Variants in HMGA2 observed in about 807,000 individuals in gnomAD.
HMGA2 encodes high mobility group protein HMGI-C.
Under a neutral mutation model 19.1 loss-of-function variants are expected in HMGA2, and 8 were observed. The ratio of observed to expected loss-of-function variants is 0.42; its 90% confidence interval spans 0.25 to 0.76. The LOEUF (loss-of-function observed/expected upper bound fraction) is 0.76, where lower values mean the gene tolerates loss of function less well. HMGA2 is among the 30% of genes least tolerant of loss of function. The pLI is 0.28. For synonymous variants in HMGA2, 60 were observed against 48.8 expected (o/e 1.23, Z -0.96); for missense variants, 109 against 136.3 (o/e 0.80, Z 1.00).
At chr12:65,891,526 G>A (rs1873911577) in intron 3 of HMGA2, among the ~76,000 whole-genome samples, 3 of 152,164 alleles carry the variant, frequency 2.0e-5, no homozygotes, top group African/African-American at 4.8e-5. Flanking sequence ...TTGGTCCTAC[G>A]GCTGTTAATC....
intron 2 of HMGA2, among the ~76,000 whole-genome samples, chr12:65,836,228 A>T (rs182389581): frequency 3.3e-5 from 5 of 152,172 alleles, no homozygotes; most frequent in South Asian, 2.1e-4. Context: ...GTGTGGTGGC[A>T]GGCGCCTGTA....
chr12:65,923,783 G>A (rs1875407127), intron 3 of HMGA2, among the ~76,000 whole-genome samples: 1 of 152,174 alleles, frequency 6.6e-6, no homozygotes, highest in African/African-American at 2.4e-5. Flanking sequence ...GCAGAGGCGA[G>A]TGGATCACCT....
At chr12:65,874,729 C>G (rs1365069904) in intron 3 of HMGA2, among the ~76,000 whole-genome samples, 1 of 152,198 alleles carries the variant, frequency 6.6e-6, no homozygotes, top group Non-Finnish European at 1.5e-5. Context: ...ATAGTTCAAA[C>G]TCATTTGTTT....
chr12:65,850,541 A>C (rs899116166), intron 3 of HMGA2, among the ~76,000 whole-genome samples: 1 of 151,954 alleles, frequency 6.6e-6, no homozygotes, highest in African/African-American at 2.4e-5. Context: ...CTAAAAAAAA[A>C]GACTTTTCTG....
Position 65,907,599 on chromosome 12 carries a change from G to A in HMGA2, c.250-43784G>A, listed in dbSNP as rs1283448215. Among the ~76,000 whole-genome samples the A allele has an allele frequency of 3.3e-5, 5 of 152,078 alleles. No individual in the cohort carries two copies. The East Asian group carries it at 9.6e-4, about 29-fold the overall frequency. ...GGACCTAGGAGGCCTATTCTTTGGG[G>A]AGTTCTTCATCAATGACAGCGATTT... On this transcript the variant is annotated intron_variant, in intron 3 of 4. Transcript: ENST00000403681.
intron 4 of HMGA2, chr12:65,958,813 A>T (rs2121324889): frequency 6.6e-6 from 1 of 152,314 alleles, no homozygotes; most frequent in Admixed American, 6.5e-5. Flanking sequence ...CTGGCCTGCA[A>T]CATCATGTAA....
chr12:65,908,178 G>A (rs555855662), intron 3 of HMGA2, among the ~76,000 whole-genome samples: 124 of 152,306 alleles, frequency 8.1e-4, no homozygotes, highest in African/African-American at 2.9e-3. Flanking sequence ...GGTATTGCAT[G>A]AAAAGCACAC....
At chr12:65,961,810 GT>G (rs1267931776) in intron 4 of HMGA2, among the ~76,000 whole-genome samples, 1 of 151,910 alleles carries the variant, frequency 6.6e-6, no homozygotes, top group South Asian at 2.1e-4. Context: ...TTCTTGTGGG[GT>G]TTTTTTCTCC....
intron 3 of HMGA2, among the ~76,000 whole-genome samples, chr12:65,925,229 C>T (rs1875465776): frequency 6.6e-6 from 1 of 152,020 alleles, no homozygotes; most frequent in South Asian, 2.1e-4. Flanking sequence ...AAGTTTTTGC[C>T]ACCAGGTGTG....
At chr12:65,842,177 C>G in intron 3 of HMGA2, 1 of 1,132,286 alleles carries the variant, frequency 8.8e-7, no homozygotes, top group Non-Finnish European at 1.2e-6. Flanking sequence ...GGTTCAAATT[C>G]TGGTCCGTCA....
At chr12:65,834,344 T>C (rs1490173375) in intron 2 of HMGA2, among the ~76,000 whole-genome samples, 1 of 152,190 alleles carries the variant, frequency 6.6e-6, no homozygotes, top group African/African-American at 2.4e-5. Flanking sequence ...TCCCAAATAA[T>C]ATCATGGGGC....
At chr12:65,893,188 G>C (rs923438456) in intron 3 of HMGA2, among the ~76,000 whole-genome samples, 2 of 152,138 alleles carry the variant, frequency 1.3e-5, no homozygotes, top group African/African-American at 2.4e-5. Flanking sequence ...CTCAACTCTC[G>C]AATTGCTGTT....
At chr12:65,902,166 GTT>G (rs374374733) in intron 3 of HMGA2, among the ~76,000 whole-genome samples, 1 of 149,042 alleles carries the variant, frequency 6.7e-6, no homozygotes, top group African/African-American at 2.5e-5. Flanking sequence ...ACTTTTAAGA[GTT>G]TTTTTTTTCT....
At chr12:65,916,044 G>C (rs1012515745) in intron 3 of HMGA2, among the ~76,000 whole-genome samples, 1 of 152,124 alleles carries the variant, frequency 6.6e-6, no homozygotes, top group African/African-American at 2.4e-5. Context: ...GTTCTAAGAG[G>C]AGTACCGTGC....
At chr12:65,865,610 C>T (rs947996305) in intron 3 of HMGA2, among the ~76,000 whole-genome samples, 5 of 150,704 alleles carry the variant, frequency 3.3e-5, no homozygotes, top group Non-Finnish European at 5.9e-5. Context: ...ACATTCTAAG[C>T]GTCTGTATCT....
intron 3 of HMGA2, among the ~76,000 whole-genome samples, chr12:65,947,123 CT>C (rs397969754): frequency 2.6e-3 from 375 of 143,636 alleles, no homozygotes; most frequent in Middle Eastern, 7.1e-3. Context: ...ATTCTCACCA[CT>C]TTTTTTTTTT....
chr12:65,951,991 C>T lies in HMGA2; in HGVS notation c.282+576C>T, dbSNP rs958091300. 7.9e-5 allele frequency: 14 copies of T among 176,754 alleles called. 1 individual carries two copies. Among genetic ancestry groups the T allele is most frequent in the Non-Finnish European group, 1.5e-4 (13 of 84,472 alleles). The allele number at this position is 176,754 out of a possible 1,614,324, so 10.9% of individuals were successfully genotyped here. ...AACATCAAATTGGAAAATAGCTCTA[C>T]GTCTCTTGCCCCATATTCCTGGAGC... On this transcript the variant is annotated intron_variant, in intron 4 of 4. Coordinates refer to ENST00000403681, the MANE Select transcript of HMGA2 (RefSeq NM_003483.6).
intron 3 of HMGA2, among the ~76,000 whole-genome samples, chr12:65,951,062 G>T (rs1592464987): frequency 6.6e-6 from 1 of 152,026 alleles, no homozygotes; most frequent in East Asian, 1.9e-4. Context: ...CTGAGTAGCT[G>T]GGACTACAGT....
chr12:65,832,258 C>G (rs1870511794), intron 2 of HMGA2, among the ~76,000 whole-genome samples: 1 of 151,974 alleles, frequency 6.6e-6, no homozygotes, highest in Admixed American at 6.5e-5. Flanking sequence ...TTTTAATCAT[C>G]ACAGATTATG....
Sources: allele counts gnomAD v4.1 joint callset (sites outside exome capture counted in the v4.1 genomes callset), GRCh38; gene constraint gnomAD v4.1.1; transcripts MANE v1.5; gene names NCBI Gene and HGNC (gene_info 2026-07-23, HGNC 2026-07-21).